Variants in CCDC178 observed in about 807,000 individuals in gnomAD.
CCDC178 encodes the protein coiled-coil domain containing 178.
In CCDC178, 126 loss-of-function variants were observed where a neutral mutation model predicts 117.4. The observed-to-expected ratio is 1.07, with a 90% CI of 0.93 to 1.24. CCDC178 has a LOEUF of 1.24. Among genes scored for constraint, CCDC178 ranks in the 50% most tolerant of loss-of-function variants. The probability of loss-of-function intolerance (pLI) is 0.00; values close to 1 mark genes in which losing one functional copy is unlikely to be tolerated. For synonymous variants in CCDC178, 283 were observed against 313.4 expected, an observed-to-expected ratio of 0.90 and a Z score of 1.02; for missense variants, 1,030 against 986.9, an observed-to-expected ratio of 1.04 and a Z score of -0.59.
intron 4 of CCDC178, 79 bp from the exon 5 acceptor site, chr18:33,389,708 A>G: frequency 1.7e-6 from 1 of 585,484 alleles, no homozygotes. Flanking sequence ...ACCATGTAAA[A>G]AACTACGTTA....
intron 17 of CCDC178, among the ~76,000 whole-genome samples, chr18:33,223,789 T>G (rs2059268193): frequency 6.6e-6 from 1 of 152,176 alleles, no homozygotes; most frequent in Non-Finnish European, 1.5e-5. Flanking sequence ...ATCATTAATG[T>G]AAGGGGGAGC....
At chr18:33,395,773 T>C (rs1233036143) in intron 4 of CCDC178, among the ~76,000 whole-genome samples, 2 of 151,836 alleles carry the variant, frequency 1.3e-5, no homozygotes, top group African/African-American at 4.8e-5. Flanking sequence ...GAGTACAGAG[T>C]CAAAGTAATC....
At chr18:33,370,919 T>C (rs1490604746) in intron 5 of CCDC178, among the ~76,000 whole-genome samples, 2 of 152,030 alleles carry the variant, frequency 1.3e-5, no homozygotes, top group Non-Finnish European at 1.5e-5. Flanking sequence ...AGTGCTTACT[T>C]GCAGTCCTTT....
intron 18 of CCDC178, among the ~76,000 whole-genome samples, chr18:33,221,863 A>T (rs750912896): frequency 3.6e-4 from 55 of 152,114 alleles, no homozygotes; most frequent in Non-Finnish European, 6.5e-4. Context: ...GGCTAAGTGA[A>T]GATGCTTTCT....
At chr18:33,180,654 A>G (rs1196800719) in intron 20 of CCDC178, among the ~76,000 whole-genome samples, 1 of 152,038 alleles carries the variant, frequency 6.6e-6, no homozygotes, top group African/African-American at 2.4e-5. Flanking sequence ...TTCCTTATAT[A>G]TCAATTATAT....
intron 15 of CCDC178, among the ~76,000 whole-genome samples, chr18:33,243,333 T>C (rs1431567530): frequency 2.0e-5 from 3 of 151,954 alleles, no homozygotes; most frequent in Non-Finnish European, 4.4e-5. Flanking sequence ...TCGTGTTCCA[T>C]ACCACTGTAG....
chr18:33,310,929 C>G (rs2062333493), intron 11 of CCDC178, among the ~76,000 whole-genome samples: 1 of 152,126 alleles, frequency 6.6e-6, no homozygotes, highest in East Asian at 1.9e-4. Context: ...AGTGGGGCAT[C>G]TTGCCAGTCT....
intron 20 of CCDC178, among the ~76,000 whole-genome samples, chr18:33,158,100 C>T (rs992687580): frequency 6.6e-6 from 1 of 152,090 alleles, no homozygotes; most frequent in Non-Finnish European, 1.5e-5. Flanking sequence ...CTTCCCCTTC[C>T]TAAAAGTGTG....
intron 21 of CCDC178, among the ~76,000 whole-genome samples, chr18:33,035,228 G>C (rs1333059866): frequency 6.6e-6 from 1 of 151,960 alleles, no homozygotes; most frequent in Admixed American, 6.6e-5. Flanking sequence ...TGGATACATG[G>C]AAGTGGAGGG....
intron 3 of CCDC178, among the ~76,000 whole-genome samples, chr18:33,403,669 T>C (rs2063741660): frequency 6.6e-6 from 1 of 152,174 alleles, no homozygotes; most frequent in Non-Finnish European, 1.5e-5. Flanking sequence ...CTTAGGTCCA[T>C]CAGTGAATTA....
intron 2 of CCDC178, among the ~76,000 whole-genome samples, chr18:33,426,500 T>C (rs1019838511): frequency 2.6e-5 from 4 of 152,192 alleles, no homozygotes; most frequent in African/African-American, 9.7e-5. Context: ...ATTCCTGCCA[T>C]CTCTTGCCTC....
At chr18:33,166,108 A>G (rs1023304151) in intron 20 of CCDC178, among the ~76,000 whole-genome samples, 1 of 152,126 alleles carries the variant, frequency 6.6e-6, no homozygotes, top group African/African-American at 2.4e-5. Context: ...AAAAAGACAG[A>G]TATCTTACTA....
intron 20 of CCDC178, among the ~76,000 whole-genome samples, chr18:33,107,188 A>G (rs1344358992): frequency 6.6e-6 from 1 of 151,694 alleles, no homozygotes; most frequent in Non-Finnish European, 1.5e-5. Flanking sequence ...ACAACAATAT[A>G]AAACTAATGT....
intron 20 of CCDC178, among the ~76,000 whole-genome samples, chr18:33,151,346 T>C (rs1278763141): frequency 6.6e-6 from 1 of 152,178 alleles, no homozygotes; most frequent in Non-Finnish European, 1.5e-5. Flanking sequence ...AGTCTTCAAA[T>C]ATTATTTAAG....
rs540688601 is a variant in CCDC178 at position 33,321,253 on chromosome 18, C to T, written c.1022+2238G>A. 3.9e-5 allele frequency among the ~76,000 whole-genome samples: 6 copies of T among 152,268 alleles called. No homozygotes were observed. In the East Asian group the frequency reaches 1.2e-3, roughly 29 times the overall value. On this transcript the variant is annotated intron_variant, in intron 11 of 22. Transcript: ENST00000383096. Reference sequence around the variant, plus strand: ...AATTGACAAATGGGATGTAATTAAACTAAAGAGCTTCTTGCACAGCAAAAG... The same window carrying T: ...AATTGACAAATGGGATGTAATTAAATTAAAGAGCTTCTTGCACAGCAAAAG...
At chr18:33,139,890 G>A (rs1366882203) in intron 20 of CCDC178, among the ~76,000 whole-genome samples, 1 of 152,136 alleles carries the variant, frequency 6.6e-6, no homozygotes, top group Non-Finnish European at 1.5e-5. Flanking sequence ...TCCCATCACA[G>A]GCCTGGAGAC....
At chr18:33,436,647 A>C (rs1053793987) in intron 2 of CCDC178, among the ~76,000 whole-genome samples, 5 of 152,232 alleles carry the variant, frequency 3.3e-5, no homozygotes, top group Non-Finnish European at 5.9e-5. Flanking sequence ...TGGGTCCATG[A>C]ATTGTTTCAG....
intron 21 of CCDC178, among the ~76,000 whole-genome samples, chr18:33,091,324 C>CTTTATTTTTTTTTT (rs2057459724): frequency 2.3e-5 from 1 of 43,880 alleles, no homozygotes; most frequent in African/African-American, 8.0e-5. Context: ...TTATTTCATT[C>CTTTATTTTTTTTTT]TTTTTTTTTT....
intron 4 of CCDC178, 85 bp from the exon 5 acceptor site, chr18:33,389,714 C>T (rs549439914): frequency 5.3e-5 from 29 of 545,424 alleles, no homozygotes; most frequent in Non-Finnish European, 7.9e-5. Flanking sequence ...TAAAAAACTA[C>T]GTTAGAGAAG....
Sources: allele counts gnomAD v4.1 joint callset (sites outside exome capture counted in the v4.1 genomes callset), GRCh38; gene constraint gnomAD v4.1.1; transcripts MANE v1.5; gene names NCBI Gene and HGNC (gene_info 2026-07-23, HGNC 2026-07-21).